The following ATG10 variants were observed in gnomAD, a reference collection of about 807,000 sequenced individuals.
The protein encoded by ATG10 is ubiquitin-like-conjugating enzyme ATG10.
In ATG10, 30 loss-of-function variants were observed where a neutral mutation model predicts 32.1. The ratio of observed to expected loss-of-function variants is 0.94; its 90% CI spans 0.70 to 1.27. ATG10 has a LOEUF of 1.27. Among genes scored for constraint, ATG10 ranks in the 50% most tolerant of loss-of-function variants. The pLI is 0.00. For missense variants in ATG10, 233 were observed against 262.3 expected (o/e 0.89, Z 0.77); for synonymous variants, 87 against 91.5 (o/e 0.95, Z 0.28).
chr5:82,038,960 A>G (rs560658595), intron 2 of ATG10, among the ~76,000 whole-genome samples: 1 of 152,260 alleles, frequency 6.6e-6, no homozygotes, highest in Non-Finnish European at 1.5e-5. Flanking sequence ...TGATCCTCCT[A>G]CCTCAGCCTC....
At chr5:82,123,288 C>T (rs752414474) in intron 3 of ATG10, among the ~76,000 whole-genome samples, 24 of 152,092 alleles carry the variant, frequency 1.6e-4, no homozygotes, top group Non-Finnish European at 3.2e-4. Flanking sequence ...CCGTTATGTT[C>T]TTACTTATTA....
intron 3 of ATG10, among the ~76,000 whole-genome samples, chr5:82,141,646 T>G (rs545309476): frequency 2.6e-5 from 4 of 151,732 alleles, no homozygotes; most frequent in Admixed American, 6.6e-5. Flanking sequence ...TAGCTTACTT[T>G]AGATAAAAAA....
intron 3 of ATG10, among the ~76,000 whole-genome samples, chr5:82,118,402 A>ATATATATATATATATATATATATATG (rs1309574936): frequency 1.5e-4 from 21 of 136,350 alleles, no homozygotes; most frequent in African/African-American, 5.1e-4. Flanking sequence ...ATATATATAT[A>ATATATATATATATATATATATATATG]TATGTATGTA....
intron 4 of ATG10, among the ~76,000 whole-genome samples, chr5:82,167,917 G>T (rs770033014): frequency 2.0e-5 from 3 of 152,142 alleles, no homozygotes; most frequent in South Asian, 2.1e-4. Flanking sequence ...TGGGAGAGGT[G>T]GTGGGACACA....
At chr5:81,977,377 G>T (rs1760900850) in intron 1 of ATG10, among the ~76,000 whole-genome samples, 1 of 152,170 alleles carries the variant, frequency 6.6e-6, no homozygotes, top group South Asian at 2.1e-4. Context: ...TCTTCACTGT[G>T]TGGGATTGTC....
At position 82,021,620 on chromosome 5, in the gene ATG10, A is replaced by C. The variant is rs562982777; in HGVS notation, c.108+33942A>C. Among the ~76,000 whole-genome samples the C allele has an allele frequency of 1.2e-3, 175 of 151,552 alleles. 2 individuals carry two copies. Among genetic ancestry groups the C allele is most frequent in the Admixed American group, 2.3e-3 (35 of 15,220 alleles). Reference sequence around the variant, plus strand: ...TTTATCAGCCGGGCGTGGTGGCTCAAACCTGTAATCCCAGCACTTTGGGAA... The same window carrying C: ...TTTATCAGCCGGGCGTGGTGGCTCACACCTGTAATCCCAGCACTTTGGGAA... On this transcript the variant is annotated intron_variant, in intron 2 of 7. Transcript: ENST00000282185.
rs188865311 is a variant in ATG10 at position 82,095,223 on chromosome 5, A to G, written c.216+36621A>G. On this transcript the variant is annotated intron_variant, in intron 3 of 7. Transcript: ENST00000282185. ...TTAGTTGGGAAGTCTGAGTGGTGGG[A>G]AGCTGGATCTGAGTCTGAGCCCTCA... 2.6e-5 allele frequency among the ~76,000 whole-genome samples: 4 copies of G among 152,268 alleles called. No individual in the cohort carries two copies. The East Asian group carries it at 7.7e-4, about 29-fold the overall frequency.
intron 3 of ATG10, among the ~76,000 whole-genome samples, chr5:82,064,356 T>C (rs1763875573): frequency 6.6e-6 from 1 of 152,140 alleles, no homozygotes; most frequent in African/African-American, 2.4e-5. Flanking sequence ...TTTTTTTTTT[T>C]TACATTTTTC....
At chr5:82,010,399 G>A (rs1467269787) in intron 2 of ATG10, among the ~76,000 whole-genome samples, 1 of 152,110 alleles carries the variant, frequency 6.6e-6, no homozygotes, top group Non-Finnish European at 1.5e-5. Context: ...TTATAAATTT[G>A]GAGTGAAATT....
rs1166538251 is a variant in ATG10 at position 82,161,412 on chromosome 5, C to G, written c.217-2987C>G. Among the ~76,000 whole-genome samples the G allele has an allele frequency of 2.0e-5, 3 of 152,188 alleles. No individual in the cohort carries two copies. The South Asian group carries it at 6.2e-4, about 32-fold the overall frequency. On this transcript the variant is annotated intron_variant, in intron 3 of 7. Transcript: ENST00000282185. Reference sequence around the variant, plus strand: ...TGTCCCCTCCCTCTTATTTCTTGAGCCTCCTACCTGTTCCAGAGAATATGG... The same window carrying G: ...TGTCCCCTCCCTCTTATTTCTTGAGGCTCCTACCTGTTCCAGAGAATATGG...
At chr5:82,224,040 C>T (rs758964793) in intron 5 of ATG10, among the ~76,000 whole-genome samples, 3 of 152,152 alleles carry the variant, frequency 2.0e-5, no homozygotes, top group Admixed American at 1.3e-4. Flanking sequence ...AACCAGCAGT[C>T]GGCCAGGGTG....
chr5:81,987,458 A>G, intron 1 of ATG10, 101 bp from the exon 2 acceptor site: 1 of 836,726 alleles, frequency 1.2e-6, no homozygotes, highest in Non-Finnish European at 1.9e-6. Flanking sequence ...AGGCCATTCT[A>G]CATCCCAAAT....
chr5:82,207,709 A>T (rs529372604), intron 5 of ATG10, among the ~76,000 whole-genome samples: 1 of 152,184 alleles, frequency 6.6e-6, no homozygotes, highest in Admixed American at 6.5e-5. Flanking sequence ...CTACCCCAAG[A>T]TCATGAAGAC....
rs568758228 is a variant in ATG10 at position 82,080,628 on chromosome 5, C to T, written c.216+22026C>T. 2.6e-4 allele frequency among the ~76,000 whole-genome samples: 40 copies of T among 152,264 alleles called. 1 individual carries two copies. The highest frequency in any genetic ancestry group is 8.7e-4 in the African/African-American group (36 of 41,534). ...CATTTATTAAATAGGAAATCCTTTC[C>T]CCATTGCTTGTTTTTCTCAGGTTTG... On this transcript the variant is annotated intron_variant, in intron 3 of 7. Transcript: ENST00000282185.
In ATG10 at chr5:82,246,779, G is replaced by A. The variant is rs146716093; in HGVS notation, c.454-5783G>A. Among the ~76,000 whole-genome samples the A allele has an allele frequency of 9.9e-3, 1,512 of 152,042 alleles. 10 individuals are homozygous for A. Among genetic ancestry groups the A allele is most frequent in the Middle Eastern group, 0.02 (6 of 294 alleles). On this transcript the variant is annotated intron_variant, in intron 5 of 7. Transcript: ENST00000282185. Reference sequence around the variant, plus strand: ...ATGACACTTTTCATTTTTCCCTGTAGATTTGAGTTACACTCTGGTATTATT... The same window carrying A: ...ATGACACTTTTCATTTTTCCCTGTAAATTTGAGTTACACTCTGGTATTATT...
intron 2 of ATG10, among the ~76,000 whole-genome samples, chr5:82,034,196 T>C (rs541326984): frequency 7.9e-5 from 12 of 151,984 alleles, no homozygotes; most frequent in African/African-American, 2.4e-5. Context: ...CATCACAAAT[T>C]TAACTCATTT....
intron 2 of ATG10, among the ~76,000 whole-genome samples, chr5:81,998,703 G>GA (rs1204175440): frequency 5.9e-5 from 9 of 152,024 alleles, no homozygotes; most frequent in African/African-American, 2.2e-4. Context: ...AATCTACCGA[G>GA]AAAATGGAAA....
intron 2 of ATG10, among the ~76,000 whole-genome samples, chr5:82,039,817 A>AT (rs1294165962): frequency 6.6e-6 from 1 of 152,126 alleles, no homozygotes; most frequent in Non-Finnish European, 1.5e-5. Flanking sequence ...ATATCTCATG[A>AT]TTTTTTTGGT....
intron 3 of ATG10, among the ~76,000 whole-genome samples, chr5:82,129,286 G>A (rs1766413672): frequency 1.3e-5 from 2 of 151,942 alleles, no homozygotes; most frequent in African/African-American, 4.8e-5. Context: ...CATTGGGTTA[G>A]AACATGCTCC....
Sources: gnomAD v4.1 joint callset for allele counts (sites outside exome capture counted in the v4.1 genomes callset) on GRCh38, gnomAD v4.1.1 for gene constraint, MANE v1.5 for transcripts, NCBI Gene and HGNC (gene_info 2026-07-23, HGNC 2026-07-21) for gene names.